UBOX5: variants seen among roughly 807,000 people sequenced by gnomAD.
The protein encoded by UBOX5 is RING finger protein 37.
Under a neutral mutation model 39.0 loss-of-function variants are expected in UBOX5, and 28 were observed. The observed-to-expected ratio is 0.72, with a 90% CI of 0.53 to 0.98. The LOEUF (loss-of-function observed/expected upper bound fraction) is 0.98. Ranked by LOEUF, UBOX5 falls within the 50% of genes least tolerant of loss-of-function variation. UBOX5 has a pLI of 0.00. For synonymous variants in UBOX5, 283 were observed against 275.5 expected, an observed-to-expected ratio of 1.03 and a Z score of -0.27; for missense variants, 585 against 674.4, an observed-to-expected ratio of 0.87 and a Z score of 1.47.
chr20:3,147,795 G>A (rs772726420), intron 1 of UBOX5: 14 of 1,614,100 alleles, frequency 8.7e-6, no homozygotes, highest in African/African-American at 1.3e-5. Context: ...TCTTTACTTC[G>A]ACAGTGTGCC....
chr20:3,116,247 C>G (rs1216963458), intron 3 of UBOX5, among the ~76,000 whole-genome samples: 1 of 152,218 alleles, frequency 6.6e-6, no homozygotes, highest in African/African-American at 2.4e-5. Flanking sequence ...CATGTCCTCT[C>G]TCTCCTGTTA....
At chr20:3,121,243 G>T in intron 3 of UBOX5, 141 bp downstream of exon 3, 3 of 1,295,172 alleles carry the variant, frequency 2.3e-6, no homozygotes, top group Admixed American at 2.6e-5. Context: ...AGGGGCCCCA[G>T]GATGGGAAAC....
Position 3,158,966 on chromosome 20 carries a change from C to T in UBOX5, c.-42+800G>A, listed in dbSNP as rs531940852. Reference sequence around the variant, plus strand: ...CACAAAACGCCAGCCACAGTTGGTGCTAACGCAGCTGGCTATCAGCTCCAC... The same window carrying T: ...CACAAAACGCCAGCCACAGTTGGTGTTAACGCAGCTGGCTATCAGCTCCAC... On this transcript the variant is annotated intron_variant, in intron 1 of 4. Coordinates refer to ENST00000217173, the MANE Select transcript of UBOX5 (RefSeq NM_014948.4). Among the ~76,000 whole-genome samples the T allele has an allele frequency of 6.6e-5, 10 of 152,318 alleles. No homozygotes were observed. In the South Asian group the frequency reaches 2.1e-3, roughly 32 times the overall value.
In UBOX5 at chr20:3,149,156, A is replaced by G. The variant is rs1442536750; in HGVS notation, c.-42+10610T>C. On this transcript the variant is annotated intron_variant, in intron 1 of 4. Coordinates refer to ENST00000217173, the MANE Select transcript of UBOX5 (RefSeq NM_014948.4). The surrounding 1 kb of genome is among the most constrained non-coding windows in gnomAD (Gnocchi z 4.1). Reference sequence around the variant, plus strand: ...CAATTTCTTGTTTATATGGTGCTTGATTAGAGCTGGACGGGGAGGTGTTCC... The same window carrying G: ...CAATTTCTTGTTTATATGGTGCTTGGTTAGAGCTGGACGGGGAGGTGTTCC... The G allele has an allele frequency of 2.1e-6, 3 of 1,451,888 alleles. No homozygotes were observed. The highest frequency in any genetic ancestry group is 1.4e-5 in the African/African-American group (1 of 70,594). The allele number at this position is 1,451,888 out of a possible 1,614,324, so 89.9% of individuals were successfully genotyped here. A position where few individuals can be genotyped will look rare whatever the true frequency, so the allele number is the denominator to read the frequency against.
chr20:3,148,487 ACACTCAGCTGGCAGAG>A, intron 1 of UBOX5: 2 of 1,614,142 alleles, frequency 1.2e-6, no homozygotes, highest in Non-Finnish European at 1.7e-6. Flanking sequence ...TATCTTCTTC[ACACTCAGCTGGCAGAG>A]CAGAGCAAAG....
intron 3 of UBOX5, among the ~76,000 whole-genome samples, chr20:3,118,050 T>C (rs2066306931): frequency 6.6e-6 from 1 of 151,756 alleles, no homozygotes; most frequent in Admixed American, 6.6e-5. Context: ...GCCTGTAGTC[T>C]TGGCTACCGA....
chr20:3,129,072 A>T (rs1399513609), intron 1 of UBOX5, among the ~76,000 whole-genome samples: 1 of 152,166 alleles, frequency 6.6e-6, no homozygotes, highest in Non-Finnish European at 1.5e-5. Context: ...TCAGCTCATG[A>T]GGCTTCTCCA....
chr20:3,122,149 C>A lies in UBOX5; in HGVS notation c.490G>T (p.Ala164Ser). The A allele has an allele frequency of 3.1e-6, 5 of 1,614,134 alleles. No individual in the cohort carries two copies. Among genetic ancestry groups the A allele is most frequent in the Non-Finnish European group, 4.2e-6 (5 of 1,180,012 alleles). Residue 164 changes from alanine (A) to serine (S), a missense_variant, in exon 3 of 5, where the codon GCT becomes TCT. By Grantham distance (99) the Ala-to-Ser change is moderately conservative. Transcript: ENST00000217173. ...VVAQELWNKG[A>S]LSLSHVAHLR... ...TGGGCCACGTGGCTAAGGGAAAGAG[C>A]CCCTTTATTCCAGAGCTCCTGGGCC...
chr20:3,146,213 C>A (rs1457002484), intron 1 of UBOX5, among the ~76,000 whole-genome samples: 1 of 151,778 alleles, frequency 6.6e-6, no homozygotes, highest in Non-Finnish European at 1.5e-5. Flanking sequence ...TAGTGATACG[C>A]GCCTGTAGTC....
intron 3 of UBOX5, among the ~76,000 whole-genome samples, chr20:3,121,001 G>C (rs2066330938): frequency 1.3e-5 from 2 of 152,168 alleles, no homozygotes; most frequent in African/African-American, 2.4e-5. Context: ...TGCTTTGAGG[G>C]ACTGGTATCT....
chr20:3,139,844 G>A (rs1157133067), intron 1 of UBOX5, among the ~76,000 whole-genome samples: 2 of 151,782 alleles, frequency 1.3e-5, no homozygotes, highest in Non-Finnish European at 2.9e-5. Context: ...TGAGTAACTG[G>A]TATTACAGGC....
chr20:3,146,682 C>A, intron 1 of UBOX5: 4 of 1,431,880 alleles, frequency 2.8e-6, no homozygotes, highest in Admixed American at 2.2e-5. Context: ...ACTATTTTAT[C>A]GCCAAACTTA....
rs752639910 is a variant in UBOX5 at position 3,115,402 on chromosome 20, G to A, written c.1320C>T (p.Gly440=). 1 of 1,614,096 alleles carries A rather than the reference G, an allele frequency of 6.2e-7. No homozygotes were observed. Among genetic ancestry groups the A allele is most frequent in the Non-Finnish European group, 8.5e-7 (1 of 1,180,030 alleles). ...GCCGTGCCGTGAAGGAGGGCATAGA[G>A]CCAAGGGTGGATGCCAAGGCAATTT... ...SLEIALASTL[G]SMPSFTARLT... is the part of the protein sequence containing the mutation. Residue 440 remains glycine, a synonymous_variant, in exon 4 of 5, where the codon GGC becomes GGT. Coordinates refer to ENST00000217173, the MANE Select transcript of UBOX5 (RefSeq NM_014948.4).
chr20:3,142,892 G>A (rs11905351), intron 1 of UBOX5, among the ~76,000 whole-genome samples: 2,983 of 150,612 alleles, frequency 0.02, 115 homozygotes, highest in African/African-American at 0.069. Flanking sequence ...GTTTGTATTC[G>A]ATATCTTATT....
chr20:3,149,166 G>A lies in UBOX5; in HGVS notation c.-42+10600C>T. ...TTTATATGGTGCTTGATTAGAGCTG[G>A]ACGGGGAGGTGTTCCACAAAAACTG... On this transcript the variant is annotated intron_variant, in intron 1 of 4. Transcript: ENST00000217173. The surrounding 1 kb of genome is among the most constrained non-coding windows in gnomAD (Gnocchi z 4.1). 2 of 1,380,716 alleles carry A rather than the reference G, an allele frequency of 1.4e-6. No homozygotes were observed. Among genetic ancestry groups the A allele is most frequent in the Non-Finnish European group, 9.8e-7 (1 of 1,018,616 alleles). The allele number at this position is 1,380,716 out of a possible 1,614,324, so 85.5% of individuals were successfully genotyped here.
intron 1 of UBOX5, among the ~76,000 whole-genome samples, chr20:3,135,574 AGGTT>A (rs1437887373): frequency 6.6e-6 from 1 of 152,188 alleles, no homozygotes; most frequent in Non-Finnish European, 1.5e-5. Flanking sequence ...CCCAAACTGC[AGGTT>A]GAGAATTAAG....
In UBOX5 at chr20:3,122,091, C is replaced by T; in HGVS notation, c.548G>A (p.Gly183Asp). ...CAACCGCTTGATACAAGGGATACCG[C>T]CGCCTGTCACATGGGTGATACAGAT... ...LRICITHVTG[G>D]GIPCIKRLEV... The change falls in exon 3 of 5, where the codon GGC (glycine) becomes GAC (aspartate). Residue 183 changes from glycine to aspartate, a missense_variant. Transcript: ENST00000217173. 1 of 1,614,236 alleles carries T rather than the reference C, an allele frequency of 6.2e-7. No individual in the cohort carries two copies.
intron 1 of UBOX5, chr20:3,146,464 T>C (rs2066564011): frequency 4.2e-6 from 1 of 235,580 alleles, no homozygotes; most frequent in Non-Finnish European, 8.2e-6. Context: ...ATACTTTTAT[T>C]CTAAAAACTC....
At chr20:3,140,866 C>T (rs1292009830) in intron 1 of UBOX5, among the ~76,000 whole-genome samples, 1 of 151,234 alleles carries the variant, frequency 6.6e-6, no homozygotes, top group Non-Finnish European at 1.5e-5. Flanking sequence ...CCTTTGCTGC[C>T]CCCTCTCCCC....
Sources: allele counts gnomAD v4.1 joint callset (sites outside exome capture counted in the v4.1 genomes callset), GRCh38; gene constraint gnomAD v4.1.1; non-coding constraint Gnocchi (gnomAD v3.1); transcripts MANE v1.5; gene names NCBI Gene and HGNC (gene_info 2026-07-23, HGNC 2026-07-21).